The following PEF1 variants were observed in gnomAD, a reference collection of about 807,000 sequenced individuals.
PEF1 encodes the protein penta-EF-hand domain containing 1.
In PEF1, 17 loss-of-function variants were observed where a neutral mutation model predicts 32.0. The ratio of observed to expected loss-of-function variants is 0.53; its 90% CI spans 0.36 to 0.80. The LOEUF is 0.80. PEF1 is among the 30% of genes least tolerant of loss of function. The probability of loss-of-function intolerance (pLI) is 0.00; values close to 1 mark genes in which losing one functional copy is unlikely to be tolerated. For missense variants in PEF1, 362 were observed against 369.1 expected, an observed-to-expected ratio of 0.98 and a Z score of 0.16; for synonymous variants, 130 against 139.8, an observed-to-expected ratio of 0.93 and a Z score of 0.50.
intron 3 of PEF1, 99 bp from the exon 4 acceptor site, chr1:31,632,737 A>G (rs1046843582): frequency 3.8e-5 from 53 of 1,404,884 alleles, no homozygotes; most frequent in Middle Eastern, 2.5e-4. Flanking sequence ...TCCAGGCTGG[A>G]GTAGGCGACT....
chr1:31,630,522 G>A lies in PEF1; in HGVS notation c.*91C>T, dbSNP rs868294040. 11 of 1,243,898 alleles carry A rather than the reference G, an allele frequency of 8.8e-6. No homozygotes were observed. In the African/African-American group the frequency reaches 1.2e-4, roughly 13 times the overall value. 77.1% of individuals were successfully genotyped at this position (1,243,898 alleles called of 1,614,324 possible). ...GCAAGGGAGAATGTTCTTCTAGAGG[G>A]ACAGGAAAAGAAGAGATGTCCACAT... On this transcript the variant is annotated 3_prime_UTR_variant, in exon 5 of 5. Coordinates refer to ENST00000373703, the MANE Select transcript of PEF1 (RefSeq NM_012392.4).
intron 1 of PEF1, among the ~76,000 whole-genome samples, chr1:31,643,342 A>G (rs1400653447): frequency 6.6e-6 from 1 of 152,256 alleles, no homozygotes; most frequent in Non-Finnish European, 1.5e-5. Context: ...AGTATTTCCA[A>G]AACTTTAGTT....
chr1:31,635,241 C>A lies in PEF1; in HGVS notation c.306G>T (p.Gln102His), dbSNP rs746034322. ...ACTTACCCTGTCCATAAAGCCCAGG[C>A]TGCTGGGCACCGTAGGAACTTGGAG... ...QPPPSSYGAQQPGLYGQGGAP... is the reference protein window; with the variant it reads ...QPPPSSYGAQHPGLYGQGGAP... The change falls in exon 2 of 5, where the codon CAG (glutamine) becomes CAT (histidine). Residue 102 changes from glutamine (Q) to histidine (H), a missense_variant. Gln to His is a conservative substitution (Grantham distance 24). Coordinates refer to ENST00000373703, the MANE Select transcript of PEF1 (RefSeq NM_012392.4). The A allele has an allele frequency of 6.2e-7, 1 of 1,614,014 alleles. No individual in the cohort carries two copies. Among genetic ancestry groups the A allele is most frequent in the Non-Finnish European group, 8.5e-7 (1 of 1,180,006 alleles).
chr1:31,636,543 C>T (rs1314308100), intron 1 of PEF1, among the ~76,000 whole-genome samples: 1 of 152,158 alleles, frequency 6.6e-6, no homozygotes, highest in African/African-American at 2.4e-5. Flanking sequence ...CATTTACTAA[C>T]TGGACTGACT....
chr1:31,642,486 C>T (rs1640420510), intron 1 of PEF1, among the ~76,000 whole-genome samples: 1 of 152,114 alleles, frequency 6.6e-6, no homozygotes, highest in African/African-American at 2.4e-5. Context: ...TGGAAAATTA[C>T]AGGAATTCTG....
intron 1 of PEF1, among the ~76,000 whole-genome samples, chr1:31,640,368 C>T (rs1640363454): frequency 6.6e-6 from 1 of 152,172 alleles, no homozygotes; most frequent in Non-Finnish European, 1.5e-5. Flanking sequence ...TCAGGGTCTG[C>T]ATGACTCTAC....
Position 31,644,866 on chromosome 1 carries a change from G to A in PEF1, c.-2C>T. ...CTGCCGGTAAGGATAGCTGGCCATG[G>A]TGATTCTGACGTCACACTCAGGCAA... On this transcript the variant is annotated 5_prime_UTR_variant, in exon 1 of 5. Coordinates refer to ENST00000373703, the MANE Select transcript of PEF1 (RefSeq NM_012392.4). The A allele has an allele frequency of 1.2e-6, 2 of 1,613,852 alleles. No homozygotes were observed. The highest frequency in any genetic ancestry group is 1.7e-6 in the Non-Finnish European group (2 of 1,179,856).
chr1:31,642,394 G>A (rs1032491017), intron 1 of PEF1, among the ~76,000 whole-genome samples: 4 of 152,086 alleles, frequency 2.6e-5, no homozygotes, highest in African/African-American at 9.7e-5. Context: ...CACCAAGCTC[G>A]TTCCCCCATA....
At chr1:31,639,234 A>T (rs1640332470) in intron 1 of PEF1, among the ~76,000 whole-genome samples, 1 of 152,236 alleles carries the variant, frequency 6.6e-6, no homozygotes, top group Non-Finnish European at 1.5e-5. Context: ...TAAACCGCAG[A>T]GCCAAGAATG....
chr1:31,639,857 A>G (rs1487586463), intron 1 of PEF1, among the ~76,000 whole-genome samples: 2 of 152,232 alleles, frequency 1.3e-5, no homozygotes, highest in African/African-American at 2.4e-5. Context: ...CAGGCTGCAC[A>G]GGAAGTTTGG....
chr1:31,633,343 C>T (rs749514982), intron 2 of PEF1, 29 bp from the exon 3 acceptor site: 1 of 1,585,838 alleles, frequency 6.3e-7, no homozygotes, highest in Non-Finnish European at 8.6e-7. Context: ...AGGCCATCAA[C>T]AGAAATGCCA....
rs1473081887 is a variant in PEF1 at position 31,630,670 on chromosome 1, G to A, written c.798C>T (p.Gly266=). Residue 266 remains glycine (G), a synonymous_variant, in exon 5 of 5, where the codon GGC becomes GGT. Coordinates refer to ENST00000373703, the MANE Select transcript of PEF1 (RefSeq NM_012392.4). ...AGTCCTCGAAGCTGAGCCGAATGTT[G>A]CCTTGTACAGCTGTGTCCTTCTCCC... ...AFREKDTAVQ[G]NIRLSFEDFV... The A allele has an allele frequency of 1.2e-6, 2 of 1,613,530 alleles. No homozygotes were observed. The highest frequency in any genetic ancestry group is 2.7e-5 in the African/African-American group (2 of 74,918).
intron 1 of PEF1, among the ~76,000 whole-genome samples, chr1:31,639,331 G>C (rs1265095550): frequency 6.6e-6 from 1 of 152,198 alleles, no homozygotes; most frequent in African/African-American, 2.4e-5. Flanking sequence ...TGAGGTATCA[G>C]TGTCTAAGAG....
intron 2 of PEF1, among the ~76,000 whole-genome samples, chr1:31,633,955 C>CAA (rs397968805): frequency 5.8e-5 from 6 of 103,860 alleles, no homozygotes; most frequent in Non-Finnish European, 8.2e-5. Context: ...AACTCCATCT[C>CAA]AAAAAAAAAA....
intron 2 of PEF1, among the ~76,000 whole-genome samples, chr1:31,633,960 A>C (rs1241495204): frequency 1.3e-5 from 2 of 152,014 alleles, no homozygotes; most frequent in African/African-American, 2.4e-5. Flanking sequence ...CATCTCAAAA[A>C]AAAAAAAACA....
chr1:31,637,578 G>A (rs1270054598), intron 1 of PEF1, among the ~76,000 whole-genome samples: 4 of 147,096 alleles, frequency 2.7e-5, no homozygotes, highest in South Asian at 2.1e-4. Context: ...CTAAGTTGGA[G>A]GCTGCAGTGA....
chr1:31,644,778 G>C lies in PEF1; in HGVS notation c.24+63C>G, dbSNP rs1262488756. On this transcript the variant is annotated intron_variant, in intron 1 of 4. Coordinates refer to ENST00000373703, the MANE Select transcript of PEF1 (RefSeq NM_012392.4). ...GGAGAAAGCGGGGAGAAAGAGCAGG[G>C]GGACGTCGGGCCTGCGCCTGGCACC... is the stretch of plus-strand genomic sequence containing the variant. The C allele has an allele frequency of 5.6e-6, 9 of 1,612,012 alleles. No homozygotes were observed. In the South Asian group the frequency reaches 8.8e-5, roughly 16 times the overall value.
intron 1 of PEF1, among the ~76,000 whole-genome samples, chr1:31,640,662 A>G (rs987457130): frequency 2.0e-5 from 3 of 152,174 alleles, no homozygotes; most frequent in African/African-American, 7.2e-5. Context: ...CTCTCAGTTA[A>G]TAATGGAATC....
chr1:31,634,639 C>T (rs1269546151), intron 2 of PEF1, among the ~76,000 whole-genome samples: 1 of 151,926 alleles, frequency 6.6e-6, no homozygotes, highest in Non-Finnish European at 1.5e-5. Context: ...TAATATGGTA[C>T]AATGGTTTAA....
Sources: allele counts gnomAD v4.1 joint callset (sites outside exome capture counted in the v4.1 genomes callset), GRCh38; gene constraint gnomAD v4.1.1; transcripts MANE v1.5; gene names NCBI Gene and HGNC (gene_info 2026-07-23, HGNC 2026-07-21).